HTR2C: variants seen among roughly 807,000 people sequenced by gnomAD.
The protein encoded by HTR2C is 5-hydroxytryptamine (serotonin) receptor 2C, G protein-coupled.
HTR2C carries 5 observed loss-of-function variants against 21.0 expected under a neutral mutation model. The observed-to-expected ratio is 0.24, with a 90% CI of 0.12 to 0.50. The LOEUF (loss-of-function observed/expected upper bound fraction) is 0.50, where lower values mean the gene tolerates loss of function less well. Ranked by LOEUF, HTR2C falls within the 20% of genes least tolerant of loss-of-function variation. The pLI is 0.98. For synonymous variants in HTR2C, 150 were observed against 145.3 expected (o/e 1.03, Z -0.23); for missense variants, 271 against 371.2 (o/e 0.73, Z 2.22).
intron 4 of HTR2C, among the ~76,000 whole-genome samples, chrX:114,818,709 C>T (rs181480270): frequency 8.0e-4 from 89 of 111,413 alleles, no homozygotes; most frequent in Non-Finnish European, 1.4e-3. Context: ...AACAGGCATA[C>T]TAGAATAAAA....
At chrX:114,893,483 G>A (rs986243725) in intron 5 of HTR2C, among the ~76,000 whole-genome samples, 1 of 111,092 alleles carries the variant, frequency 9.0e-6, no homozygotes, top group Non-Finnish European at 1.9e-5. Context: ...ATGTTCTGAG[G>A]CTTATGTACA....
intron 4 of HTR2C, among the ~76,000 whole-genome samples, chrX:114,841,564 AC>A (rs1329340597): frequency 8.1e-5 from 9 of 110,691 alleles, no homozygotes; most frequent in African/African-American, 3.0e-4. Context: ...ACAAGGTGAA[AC>A]CCTGTCTCTA....
chrX:114,843,019 G>T (rs782458667), intron 4 of HTR2C, among the ~76,000 whole-genome samples: 3 of 111,964 alleles, frequency 2.7e-5, no homozygotes, highest in African/African-American at 9.7e-5. Context: ...TTACAGATCT[G>T]CCACATTGTA....
At chrX:114,604,394 A>G (rs1237317234) in intron 1 of HTR2C, among the ~76,000 whole-genome samples, 1 of 110,544 alleles carries the variant, frequency 9.0e-6, no homozygotes, top group Non-Finnish European at 1.9e-5. Flanking sequence ...AATACCCACA[A>G]CAGTTATGGA....
At chrX:114,740,494 T>C (rs2069634541) in intron 4 of HTR2C, among the ~76,000 whole-genome samples, 1 of 111,715 alleles carries the variant, frequency 9.0e-6, no homozygotes. Flanking sequence ...CGTGTGTTAA[T>C]AGCAACATAT....
chrX:114,679,246 A>G (rs1931668160), intron 2 of HTR2C, among the ~76,000 whole-genome samples: 1 of 110,797 alleles, frequency 9.0e-6, no homozygotes, highest in Non-Finnish European at 1.9e-5. Context: ...GTCTTAAAGA[A>G]CCTTAATATC....
chrX:114,903,841 A>G (rs1377194721), intron 5 of HTR2C, among the ~76,000 whole-genome samples: 1 of 111,994 alleles, frequency 8.9e-6, no homozygotes, highest in African/African-American at 3.2e-5. Flanking sequence ...GGTGAAAGCA[A>G]ATTCCCCAGA....
intron 4 of HTR2C, among the ~76,000 whole-genome samples, chrX:114,820,616 GA>G (rs1223411598): frequency 9.1e-6 from 1 of 109,986 alleles, no homozygotes; most frequent in Non-Finnish European, 1.9e-5. Context: ...GGAGGTAATT[GA>G]ATCATGGGGC....
intron 5 of HTR2C, among the ~76,000 whole-genome samples, chrX:114,903,671 T>C (rs2071352758): frequency 8.9e-6 from 1 of 112,581 alleles, no homozygotes; most frequent in Admixed American, 9.4e-5. Context: ...CTAACATTAC[T>C]CTGGAGTTGG....
intron 2 of HTR2C, among the ~76,000 whole-genome samples, chrX:114,724,694 CT>C (rs1255810985): frequency 7.4e-5 from 8 of 107,595 alleles, no homozygotes; most frequent in African/African-American, 2.7e-4. Flanking sequence ...TTCAGGAGCT[CT>C]TTTAGGGCAG....
intron 4 of HTR2C, among the ~76,000 whole-genome samples, chrX:114,783,007 G>A (rs2070135651): frequency 9.1e-6 from 1 of 110,446 alleles, no homozygotes; most frequent in South Asian, 3.8e-4. Context: ...ATATAAAAAG[G>A]GTAAGAAAGG....
At chrX:114,730,169 A>G (rs2069522056) in intron 3 of HTR2C, among the ~76,000 whole-genome samples, 1 of 111,686 alleles carries the variant, frequency 9.0e-6, no homozygotes, top group South Asian at 3.7e-4. Flanking sequence ...AGGAGCTTAC[A>G]CTTTGAGAGA....
At chrX:114,657,374 A>C (rs1209806424) in intron 2 of HTR2C, among the ~76,000 whole-genome samples, 1 of 111,003 alleles carries the variant, frequency 9.0e-6, no homozygotes, top group East Asian at 2.8e-4. Context: ...TGCCTTCAGA[A>C]GGTGACTACT....
chrX:114,803,525 GTCT>G (rs2070372840), intron 4 of HTR2C, among the ~76,000 whole-genome samples: 1 of 106,290 alleles, frequency 9.4e-6, no homozygotes, highest in African/African-American at 3.4e-5. Context: ...CTGCATAAAG[GTCT>G]TCTTTTGAGA....
intron 4 of HTR2C, among the ~76,000 whole-genome samples, chrX:114,751,023 T>A (rs1433848478): frequency 8.9e-6 from 1 of 111,883 alleles, no homozygotes; most frequent in East Asian, 2.8e-4. Context: ...AAGAGCAAGG[T>A]TTCATTAGAA....
At chrX:114,712,072 C>A (rs1556419242) in intron 2 of HTR2C, among the ~76,000 whole-genome samples, 2 of 111,622 alleles carry the variant, frequency 1.8e-5, no homozygotes, top group Non-Finnish European at 3.8e-5. Flanking sequence ...TACTTAAGAA[C>A]AAATGTTCAT....
chrX:114,726,926 C>T lies in HTR2C; in HGVS notation c.-11C>T. 8.9e-7 allele frequency: 1 copy of T among 1,125,002 alleles called. No individual in the cohort carries two copies. The allele number at this position is 1,125,002 out of a possible 1,213,427, so 92.7% of individuals were successfully genotyped here. ...AATTTTAAACTTTGGTTGCTTAAGA[C>T]TGAAGCAATCATGGTGAACCTGAGG... On this transcript the variant is annotated 5_prime_UTR_variant, in exon 3 of 6. Coordinates refer to ENST00000276198, the MANE Select transcript of HTR2C (RefSeq NM_000868.4).
At chrX:114,819,870 CAT>C (rs2070616408) in intron 4 of HTR2C, among the ~76,000 whole-genome samples, 1 of 112,441 alleles carries the variant, frequency 8.9e-6, no homozygotes, top group Non-Finnish European at 1.9e-5. Context: ...ACAGTTAGAA[CAT>C]AGTTTATTCT....
At chrX:114,790,138 G>T (rs1316848132) in intron 4 of HTR2C, among the ~76,000 whole-genome samples, 1 of 111,610 alleles carries the variant, frequency 9.0e-6, no homozygotes, top group Admixed American at 9.6e-5. Context: ...CATTGTTTTT[G>T]TTATTCAGTC....
Sources: allele counts gnomAD v4.1 joint callset (sites outside exome capture counted in the v4.1 genomes callset), GRCh38; gene constraint gnomAD v4.1.1; transcripts MANE v1.5; gene names NCBI Gene and HGNC (gene_info 2026-07-23, HGNC 2026-07-21).